The following GABBR1 variants were observed in gnomAD, a reference collection of about 807,000 sequenced individuals.
The protein encoded by GABBR1 is gamma-aminobutyric acid type B receptor subunit 1, also known as GABA-B receptor, R1 subunit.
In GABBR1, 35 loss-of-function variants were observed where a neutral mutation model predicts 117.7. That is an observed-to-expected ratio of 0.30 (90% CI 0.23 to 0.39). GABBR1 has a LOEUF of 0.39. Among genes scored for constraint, GABBR1 ranks in the 10% least tolerant of loss-of-function variants. GABBR1 has a pLI of 1.00. For missense variants in GABBR1, 709 were observed against 1,241.8 expected, an observed-to-expected ratio of 0.57 and a Z score of 6.45; for synonymous variants, 442 against 486.6, an observed-to-expected ratio of 0.91 and a Z score of 1.21.
Position 29,632,120 on chromosome 6 carries a change from G to T in GABBR1, c.85+181C>A, listed in dbSNP as rs1168603305. Among the ~76,000 whole-genome samples the T allele has an allele frequency of 6.6e-6, 1 of 152,096 alleles. No individual in the cohort carries two copies. The highest frequency in any genetic ancestry group is 2.4e-5 in the African/African-American group (1 of 41,414). On this transcript the variant is annotated intron_variant, in intron 2 of 22. Coordinates refer to ENST00000377034, the MANE Select transcript of GABBR1 (RefSeq NM_001470.4). This position sits in a 1 kb window ranked among gnomAD's most constrained non-coding sequence, Gnocchi z 5.8. ...ATGTGGGCAGAGAAAAGAGGTGCTG[G>T]ATAGTAACGTGGGGTGACAGAAGGA...
Position 29,620,964 on chromosome 6 carries a change from G to A in GABBR1, c.1323+137C>T. ...TCCACAGGAAACATAATGCAGACAAGTTCAGGGTGGGCACAGCCCCCTCTT... is the reference window on the plus strand; with the variant it reads ...TCCACAGGAAACATAATGCAGACAAATTCAGGGTGGGCACAGCCCCCTCTT... On this transcript the variant is annotated intron_variant, in intron 11 of 22. Transcript: ENST00000377034. This position sits in a 1 kb window ranked among gnomAD's most constrained non-coding sequence, Gnocchi z 4.5. The A allele has an allele frequency of 1.5e-6, 1 of 660,384 alleles. No homozygotes were observed. Among genetic ancestry groups the A allele is most frequent in the South Asian group, 2.0e-5 (1 of 51,150 alleles). The allele number at this position is 660,384 out of a possible 1,614,324, so 40.9% of individuals were successfully genotyped here.
rs1453741643 is a variant in GABBR1 at position 29,604,634 on chromosome 6, G to A, written c.2572C>T (p.Arg858Cys). ...CATTCCCCTCGGGTGATCAGCCTGCGCATCTGGGGGCAAATGTTTGGGCGT... is the reference window on the plus strand; with the variant it reads ...CATTCCCCTCGGGTGATCAGCCTGCACATCTGGGGGCAAATGTTTGGGCGT... ...TLVVLFVPKM[R>C]RLITRGEWQS... Residue 858 changes from arginine to cysteine, a missense_variant, in exon 22 of 23, where the codon CGC becomes TGC. Arg to Cys is a radical substitution (Grantham distance 180). This residue lies in a region of GABBR1 where 251 missense variants were observed against 445.3 expected (regional missense o/e 0.56). Coordinates refer to ENST00000377034, the MANE Select transcript of GABBR1 (RefSeq NM_001470.4). The surrounding 1 kb of genome is among the most constrained non-coding windows in gnomAD (Gnocchi z 5.3). The A allele has an allele frequency of 6.8e-6, 11 of 1,613,224 alleles. No homozygotes were observed. The highest frequency in any genetic ancestry group is 7.6e-6 in the Non-Finnish European group (9 of 1,180,034).
At position 29,603,554 on chromosome 6, in the gene GABBR1, G is replaced by A. The variant is rs1582942271; in HGVS notation, c.2875C>T (p.Leu959Phe). The A allele has an allele frequency of 1.3e-6, 2 of 1,579,272 alleles. No individual in the cohort carries two copies. The highest frequency in any genetic ancestry group is 1.7e-4 in the Middle Eastern group (1 of 5,950). ...LSCDGSRVHLLYK is the reference protein window; with the variant it reads ...LSCDGSRVHLFYK Reference sequence around the variant, plus strand: ...CCCTCACCCTACCCTCACTTATAAAGCAAATGCACTCGACTCCCATCACAG... The same window carrying A: ...CCCTCACCCTACCCTCACTTATAAAACAAATGCACTCGACTCCCATCACAG... Residue 959 changes from leucine (L) to phenylalanine (F), a missense_variant, in exon 23 of 23, where the codon CTT becomes TTT. Physicochemically the swap from Leu to Phe is conservative, Grantham distance 22. Around this residue, in one of 9 missense-constraint regions of GABBR1, gnomAD observed 69 missense variants for 64.3 expected, o/e 1.07. Transcript: ENST00000377034.
Position 29,602,898 on chromosome 6 carries a change from G to A in GABBR1, c.*645C>T, listed in dbSNP as rs550602125. 3.9e-5 allele frequency: 16 copies of A among 406,206 alleles called. No individual in the cohort carries two copies. Among genetic ancestry groups the A allele is most frequent in the African/African-American group, 8.3e-5 (4 of 48,184 alleles). 25.2% of individuals were successfully genotyped at this position (406,206 alleles called of 1,614,324 possible). ...CATGAAGAAAGCATACGGGAAAAGCGTGTGTACACATGAGCATGTTCAGTG... is the reference window on the plus strand; with the variant it reads ...CATGAAGAAAGCATACGGGAAAAGCATGTGTACACATGAGCATGTTCAGTG... On this transcript the variant is annotated 3_prime_UTR_variant, in exon 23 of 23. Coordinates refer to ENST00000377034, the MANE Select transcript of GABBR1 (RefSeq NM_001470.4).
In GABBR1 at chr6:29,609,155, A is replaced by G; in HGVS notation, c.1859+74T>C. On this transcript the variant is annotated intron_variant, in intron 15 of 22. Transcript: ENST00000377034. This position sits in a 1 kb window ranked among gnomAD's most constrained non-coding sequence, Gnocchi z 4.3. ...TGGCCATGGGAGTTACACAGGTTTT[A>G]TTCTCATCCTGTCCAGGAACATGAT... 6.9e-7 allele frequency: 1 copy of G among 1,440,662 alleles called. No homozygotes were observed. Among genetic ancestry groups the G allele is most frequent in the Non-Finnish European group, 9.7e-7 (1 of 1,033,682 alleles). The allele number at this position is 1,440,662 out of a possible 1,614,324, so 89.2% of individuals were successfully genotyped here.
rs1489992246 is a variant in GABBR1 at position 29,628,029 on chromosome 6, G to A, written c.497-383C>T. On this transcript the variant is annotated intron_variant, in intron 5 of 22. Transcript: ENST00000377034. Reference sequence around the variant, plus strand: ...CGGACTGACTGACCGACGGAGGGGAGGAGGAGGAGCAGGAGGGAGATGTGG... The same window carrying A: ...CGGACTGACTGACCGACGGAGGGGAAGAGGAGGAGCAGGAGGGAGATGTGG... 9 of 1,263,670 alleles carry A rather than the reference G, an allele frequency of 7.1e-6. No individual in the cohort carries two copies. The East Asian group carries it at 1.0e-4, about 14-fold the overall frequency. The allele number at this position is 1,263,670 out of a possible 1,614,324, so 78.3% of individuals were successfully genotyped here.
At chr6:29,616,423 C>T (rs28749529) in intron 11 of GABBR1, among the ~76,000 whole-genome samples, 14,810 of 150,524 alleles carry the variant, frequency 0.098, 829 homozygotes, top group Middle Eastern at 0.22. Flanking sequence ...CAGTGGCTCA[C>T]GCCTGTAATC....
Position 29,605,566 on chromosome 6 carries a change from C to T in GABBR1, c.2439+3G>A, listed in dbSNP as rs759821122. On this transcript the variant is annotated splice_donor_region_variant and intron_variant, in intron 20 of 22. Transcript: ENST00000377034. This position sits in a 1 kb window ranked among gnomAD's most constrained non-coding sequence, Gnocchi z 4.2. ...GGGTCAATGCCATGGGGTCAGTGCT[C>T]ACTGCCACATTGTAGATAGCCATGC... The T allele has an allele frequency of 1.2e-6, 2 of 1,612,784 alleles. No individual in the cohort carries two copies. Among genetic ancestry groups the T allele is most frequent in the East Asian group, 2.2e-5 (1 of 44,900 alleles).
In GABBR1 at chr6:29,605,622, T is replaced by C; in HGVS notation, c.2386A>G (p.Thr796Ala). The C allele has an allele frequency of 6.2e-7, 1 of 1,613,126 alleles. No homozygotes were observed. Among genetic ancestry groups the C allele is most frequent in the Non-Finnish European group, 8.5e-7 (1 of 1,180,032 alleles). Residue 796 changes from threonine (T) to alanine (A), a missense_variant, in exon 20 of 23, where the codon ACT becomes GCT. Transcript: ENST00000377034. This position sits in a 1 kb window ranked among gnomAD's most constrained non-coding sequence, Gnocchi z 4.2. ...GCCCGGTGATCATTGATCTTCTCAGTGGACACACTCTTGGTCTCATAAGCA... is the reference window on the plus strand; with the variant it reads ...GCCCGGTGATCATTGATCTTCTCAGCGGACACACTCTTGGTCTCATAAGCA... ...FLAYETKSVS[T>A]EKINDHRAVG...
At chr6:29,612,432 C>T (rs572476470) in intron 13 of GABBR1, 119 bp downstream of exon 13, 3 of 682,182 alleles carry the variant, frequency 4.4e-6, no homozygotes, top group Non-Finnish European at 5.2e-6. Context: ...AAGAGAAGGG[C>T]AGAAGTTGGG....
chr6:29,606,698 T>C lies in GABBR1; in HGVS notation c.2217+199A>G. The C allele has an allele frequency of 1.6e-6, 1 of 630,726 alleles. No individual in the cohort carries two copies. Among genetic ancestry groups the C allele is most frequent in the Non-Finnish European group, 2.8e-6 (1 of 359,800 alleles). The allele number at this position is 630,726 out of a possible 1,614,324, so 39.1% of individuals were successfully genotyped here. ...GGAAGTTCTACACACCCTTCCCAGA[T>C]TCCCACCCCTTCCTTTCTTCAGCTG... On this transcript the variant is annotated intron_variant, in intron 18 of 22. Transcript: ENST00000377034. This position sits in a 1 kb window ranked among gnomAD's most constrained non-coding sequence, Gnocchi z 4.5.
At position 29,603,511 on chromosome 6, in the gene GABBR1, C is replaced by T. The variant is rs748723658; in HGVS notation, c.*32G>A. 3.3e-6 allele frequency: 5 copies of T among 1,531,714 alleles called. No homozygotes were observed. The highest frequency in any genetic ancestry group is 4.4e-6 in the Non-Finnish European group (5 of 1,134,312). 94.9% of individuals were successfully genotyped at this position (1,531,714 alleles called of 1,614,324 possible). A position where few individuals can be genotyped will look rare whatever the true frequency, so the allele number is the denominator to read the frequency against. ...TGCCCTTCCCCTCTCCCTTTCCCTCCCCCTACTGGCCTGTCCTCCCTCACC... is the reference window on the plus strand; with the variant it reads ...TGCCCTTCCCCTCTCCCTTTCCCTCTCCCTACTGGCCTGTCCTCCCTCACC... On this transcript the variant is annotated 3_prime_UTR_variant, in exon 23 of 23. Coordinates refer to ENST00000377034, the MANE Select transcript of GABBR1 (RefSeq NM_001470.4).
chr6:29,607,509 T>C lies in GABBR1; in HGVS notation c.1993-291A>G, dbSNP rs560775145. Among the ~76,000 whole-genome samples the C allele has an allele frequency of 1.6e-4, 24 of 152,176 alleles. No homozygotes were observed. The highest frequency in any genetic ancestry group is 3.4e-4 in the Non-Finnish European group (23 of 68,016). On this transcript the variant is annotated intron_variant, in intron 16 of 22. Coordinates refer to ENST00000377034, the MANE Select transcript of GABBR1 (RefSeq NM_001470.4). The surrounding 1 kb of genome is among the most constrained non-coding windows in gnomAD (Gnocchi z 5.0). The stretch of plus-strand genomic sequence containing the variant: ...ACCTCCAACCACTCCCCAATATCTA[T>C]AAGTTATAGCCTGAACACTTCTGGA...
rs1383061717 is a variant in GABBR1 at position 29,603,240 on chromosome 6, T to C, written c.*303A>G. ...AGGGTGTTGCATGGGAAGAGAAAGA[T>C]GCAGTGAGGCTGCTGAGGAGGCAGC... is the stretch of plus-strand genomic sequence containing the variant. On this transcript the variant is annotated 3_prime_UTR_variant, in exon 23 of 23. Transcript: ENST00000377034. 3.4e-6 allele frequency: 2 copies of C among 587,042 alleles called. No homozygotes were observed. The highest frequency in any genetic ancestry group is 3.2e-6 in the Non-Finnish European group (1 of 310,690). 36.4% of individuals were successfully genotyped at this position (587,042 alleles called of 1,614,324 possible).
At chr6:29,624,605 G>A (rs937255842) in intron 6 of GABBR1, among the ~76,000 whole-genome samples, 6 of 152,096 alleles carry the variant, frequency 3.9e-5, no homozygotes, top group Non-Finnish European at 7.3e-5. Flanking sequence ...CCTGCTGGGC[G>A]CTGACATTTG....
In GABBR1 at chr6:29,629,096, G is replaced by T. The variant is rs765870404; in HGVS notation, c.487C>A (p.Pro163Thr). 1 of 1,612,980 alleles carries T rather than the reference G, an allele frequency of 6.2e-7. No homozygotes were observed. Among genetic ancestry groups the T allele is most frequent in the African/African-American group, 1.3e-5 (1 of 74,996 alleles). ...PKPHCQVNRT[P>T]HSERRAVYIG... Reference sequence around the variant, plus strand: ...GGGTTTCTCATCTCACCTGAGTGTGGCGTTCGATTCACTGGCAGCAGGAAA... The same window carrying T: ...GGGTTTCTCATCTCACCTGAGTGTGTCGTTCGATTCACTGGCAGCAGGAAA... The change falls in exon 5 of 23, where the codon CCA (proline) becomes ACA (threonine). Residue 163 changes from proline to threonine, a missense_variant. Physicochemically the swap from Pro to Thr is conservative, Grantham distance 38. Transcript: ENST00000377034.
rs1764953689 is a variant in GABBR1, at chr6:29,631,431, C to T, written c.254G>A (p.Gly85Asp). The change falls in exon 3 of 23, where the codon GGC (glycine) becomes GAC (aspartate). Residue 85 changes from glycine (G) to aspartate (D), a missense_variant. By Grantham distance (94) the Gly-to-Asp change is moderately conservative. Around this residue, in one of 9 missense-constraint regions of GABBR1, gnomAD observed 101 missense variants for 132.3 expected, o/e 0.76. Coordinates refer to ENST00000377034, the MANE Select transcript of GABBR1 (RefSeq NM_001470.4). The surrounding 1 kb of genome is among the most constrained non-coding windows in gnomAD (Gnocchi z 5.9). The part of the protein sequence containing the change: ...GPKVRKCLAN[G>D]SWTDMDTPSR... ...GGGTGTGTCCATATCTGTCCAGGAG[C>T]CGTTGGCCAGGCACTTGCGGACCTT... is the stretch of plus-strand genomic sequence containing the variant. 1.2e-6 allele frequency: 2 copies of T among 1,614,038 alleles called. No homozygotes were observed. The highest frequency in any genetic ancestry group is 8.5e-7 in the Non-Finnish European group (1 of 1,180,048).
intron 4 of GABBR1, among the ~76,000 whole-genome samples, chr6:29,629,664 T>C (rs993136648): frequency 4.6e-5 from 7 of 152,052 alleles, no homozygotes; most frequent in African/African-American, 1.7e-4. Flanking sequence ...AACTGAGTTA[T>C]GTGAGGAAAG....
chr6:29,622,448 G>C lies in GABBR1; in HGVS notation c.964-243C>G. The C allele has an allele frequency of 1.9e-6, 1 of 532,840 alleles. No homozygotes were observed. Among genetic ancestry groups the C allele is most frequent in the Non-Finnish European group, 3.4e-6 (1 of 298,344 alleles). 33.0% of individuals were successfully genotyped at this position (532,840 alleles called of 1,614,324 possible). A position where few individuals can be genotyped will look rare whatever the true frequency, so the allele number is the denominator to read the frequency against. On this transcript the variant is annotated intron_variant, in intron 8 of 22. Coordinates refer to ENST00000377034, the MANE Select transcript of GABBR1 (RefSeq NM_001470.4). This position sits in a 1 kb window ranked among gnomAD's most constrained non-coding sequence, Gnocchi z 4.6. Reference sequence around the variant, plus strand: ...CCTGCTGAGGCTCTGTGTGGGGGAAGCCACTCCATTCACCCACTCCTACCA... The same window carrying C: ...CCTGCTGAGGCTCTGTGTGGGGGAACCCACTCCATTCACCCACTCCTACCA...
Sources: allele counts gnomAD v4.1 joint callset (sites outside exome capture counted in the v4.1 genomes callset), GRCh38; gene constraint gnomAD v4.1.1; regional missense constraint gnomAD v4.1.1; non-coding constraint Gnocchi (gnomAD v3.1); transcripts MANE v1.5; gene names NCBI Gene and HGNC (gene_info 2026-07-23, HGNC 2026-07-21).